Variants in UCKL1 observed in about 807,000 individuals in gnomAD.
UCKL1 encodes uridine-cytidine kinase 1 like 1.
Under a neutral mutation model 59.2 loss-of-function variants are expected in UCKL1, and 65 were observed. The ratio of observed to expected loss-of-function variants is 1.10; its 90% CI spans 0.90 to 1.35. The LOEUF (loss-of-function observed/expected upper bound fraction) is 1.35. Among genes scored for constraint, UCKL1 ranks in the 40% most tolerant of loss-of-function variants. The probability of loss-of-function intolerance (pLI) is 0.00; values close to 1 mark genes in which losing one functional copy is unlikely to be tolerated. For synonymous variants in UCKL1, 410 were observed against 323.1 expected (o/e 1.27, Z -2.88); for missense variants, 703 against 784.3 (o/e 0.90, Z 1.24).
chr20:63,939,951 G>A lies in UCKL1; in HGVS notation c.*25C>T, dbSNP rs758307708. On this transcript the variant is annotated 3_prime_UTR_variant, in exon 15 of 15. Coordinates refer to ENST00000354216, the MANE Select transcript of UCKL1 (RefSeq NM_017859.4). ...GGTCAGGAGGCAGGAGGAGGGTGGT[G>A]GGGACGGGATGGCTCACTGGGCAGC... is the stretch of plus-strand genomic sequence containing the variant. 3 of 1,606,660 alleles carry A rather than the reference G, an allele frequency of 1.9e-6. No individual in the cohort carries two copies. Among genetic ancestry groups the A allele is most frequent in the East Asian group, 4.5e-5 (2 of 44,824 alleles).
Position 63,945,695 on chromosome 20 carries a change from T to A in UCKL1, c.610A>T (p.Ile204Phe), listed in dbSNP as rs2055985714. Residue 204 changes from isoleucine (I) to phenylalanine (F), a missense_variant, in exon 5 of 15, where the codon ATC becomes TTC. Ile to Phe is a conservative substitution (Grantham distance 21). Around this residue, in one of 4 missense-constraint regions of UCKL1, gnomAD observed 398 missense variants for 373.0 expected, o/e 1.07. Coordinates refer to ENST00000354216, the MANE Select transcript of UCKL1 (RefSeq NM_017859.4). The part of the protein sequence containing the change: ...WKTLYGANVI[I>F]FEGIMAFADK... ...GCAAAGGCCATGATGCCCTCAAAGA[T>A]GATGACGTTTGCACCATACAGTGTT... is the stretch of plus-strand genomic sequence containing the variant. 1.2e-6 allele frequency: 2 copies of A among 1,613,020 alleles called. No individual in the cohort carries two copies. Among genetic ancestry groups the A allele is most frequent in the Admixed American group, 3.3e-5 (2 of 60,004 alleles).
chr20:63,956,259 C>T lies in UCKL1; in HGVS notation c.113+1G>A, dbSNP rs1438554660. 2 of 1,536,260 alleles carry T rather than the reference C, an allele frequency of 1.3e-6. No homozygotes were observed. Among genetic ancestry groups the T allele is most frequent in the Admixed American group, 4.1e-5 (2 of 49,096 alleles). On this transcript the variant is annotated splice_donor_variant, in intron 1 of 14. Coordinates refer to ENST00000354216, the MANE Select transcript of UCKL1 (RefSeq NM_017859.4). LOFTEE classifies it high-confidence loss of function. ...GGAGTGGAGGCGAGGCCCACGCCTA[C>T]CGGTCCTCGCACGCGGTCTCGCTTT...
chr20:63,946,118 G>A, intron 3 of UCKL1, 43 bp downstream of exon 3: 1 of 1,606,946 alleles, frequency 6.2e-7, no homozygotes, highest in Non-Finnish European at 8.5e-7. Context: ...CAGGGTCAGG[G>A]AGAGGACAAA....
intron 1 of UCKL1, among the ~76,000 whole-genome samples, chr20:63,949,814 C>A (rs921501451): frequency 6.6e-6 from 1 of 152,264 alleles, no homozygotes; most frequent in African/African-American, 2.4e-5. Flanking sequence ...ACCGCCCTTG[C>A]GGCTGCCTGC....
chr20:63,944,833 T>C, intron 5 of UCKL1, 99 bp from the exon 6 acceptor site: 1 of 1,439,154 alleles, frequency 6.9e-7, no homozygotes, highest in African/African-American at 1.4e-5. Flanking sequence ...TCCGTGGGCC[T>C]GGCCAGAGCC....
At chr20:63,945,615 A>G (rs2055961659) in intron 5 of UCKL1, 36 bp downstream of exon 5, 1 of 1,608,940 alleles carries the variant, frequency 6.2e-7, no homozygotes, top group South Asian at 1.1e-5. Context: ...CAGGGCTGAG[A>G]TACCAGCGGG....
intron 14 of UCKL1, 35 bp downstream of exon 14, chr20:63,940,115 C>T (rs1031539567): frequency 6.2e-7 from 1 of 1,612,274 alleles, no homozygotes; most frequent in South Asian, 1.1e-5. Context: ...CCCACCCTGC[C>T]CTCATGTGCG....
At chr20:63,942,387 G>A (rs2054818756) in intron 8 of UCKL1, 1 of 1,177,108 alleles carries the variant, frequency 8.5e-7, no homozygotes, top group Non-Finnish European at 1.1e-6. Context: ...GCAGGAGCAG[G>A]AAAGAGGGCC....
intron 4 of UCKL1, 35 bp from the exon 5 acceptor site, chr20:63,945,757 CAT>C: frequency 6.2e-7 from 1 of 1,612,786 alleles, no homozygotes; most frequent in South Asian, 1.1e-5. Flanking sequence ...GAGCCTGGCT[CAT>C]GTGCCTGCAG....
At chr20:63,952,624 C>T (rs1377379559) in intron 1 of UCKL1, among the ~76,000 whole-genome samples, 2 of 152,262 alleles carry the variant, frequency 1.3e-5, no homozygotes, top group African/African-American at 4.8e-5. Flanking sequence ...CCACGCCACC[C>T]ACAGGTGCTG....
chr20:63,951,012 G>A (rs1299222581), intron 1 of UCKL1: 2 of 1,274,560 alleles, frequency 1.6e-6, no homozygotes, highest in Non-Finnish European at 2.0e-6. Context: ...CCTGTGGGCA[G>A]CACAGTGGGT....
rs1442343415 is a variant in UCKL1, at chr20:63,944,600, G to A, written c.789C>T (p.Ser263=). Reference sequence around the variant, plus strand: ...TGGTGGGCTGGATGTACTGGTCGAAGGAGGGCTTGACAAACTTGTTGTACT... The same window carrying A: ...TGGTGGGCTGGATGTACTGGTCGAAAGAGGGCTTGACAAACTTGTTGTACT... ...IKQYNKFVKP[S]FDQYIQPTMR... The change falls in exon 6 of 15, where the codon TCC becomes TCT. Residue 263 remains serine (S), a synonymous_variant. Coordinates refer to ENST00000354216, the MANE Select transcript of UCKL1 (RefSeq NM_017859.4). 1 of 1,613,176 alleles carries A rather than the reference G, an allele frequency of 6.2e-7. No homozygotes were observed. The highest frequency in any genetic ancestry group is 1.1e-5 in the South Asian group (1 of 91,032).
chr20:63,941,498 C>A, intron 8 of UCKL1: 1 of 451,856 alleles, frequency 2.2e-6, no homozygotes, highest in East Asian at 4.5e-5. Context: ...ACCCCTCCTG[C>A]GCTAAGAGGA....
At chr20:63,946,741 A>C in intron 1 of UCKL1, 98 bp from the exon 2 acceptor site, 5 of 1,306,544 alleles carry the variant, frequency 3.8e-6, no homozygotes, top group South Asian at 1.4e-5. Context: ...CCACCCCCTC[A>C]ACAGGCATGG....
chr20:63,944,735 C>A lies in UCKL1; in HGVS notation c.655-1G>T. 1 of 1,612,352 alleles carries A rather than the reference C, an allele frequency of 6.2e-7. No individual in the cohort carries two copies. The highest frequency in any genetic ancestry group is 8.5e-7 in the Non-Finnish European group (1 of 1,179,886). ...CCACAAAGATCTTCATGTCCAGGAG[C>A]TGGTGGAGACAGCGGGCCAGTGAGT... On this transcript the variant is annotated splice_acceptor_variant, in intron 5 of 14. Coordinates refer to ENST00000354216, the MANE Select transcript of UCKL1 (RefSeq NM_017859.4). LOFTEE classifies it high-confidence loss of function.
chr20:63,945,508 G>C, intron 5 of UCKL1, 143 bp downstream of exon 5: 2 of 799,304 alleles, frequency 2.5e-6, no homozygotes, highest in South Asian at 1.9e-5. Context: ...GCATGCCTGG[G>C]GTTGGGGTTG....
intron 7 of UCKL1, 27 bp downstream of exon 7, chr20:63,944,370 G>T: frequency 6.5e-7 from 1 of 1,541,780 alleles, no homozygotes; most frequent in East Asian, 2.4e-5. Flanking sequence ...TGGGGGCTAG[G>T]CCGTGGGGAC....
intron 8 of UCKL1, chr20:63,941,592 T>A (rs1192004183): frequency 4.1e-6 from 1 of 241,478 alleles, no homozygotes; most frequent in Non-Finnish European, 9.1e-6. Flanking sequence ...CCCCAGCCTC[T>A]CCCCGGGGGA....
chr20:63,952,919 G>T (rs191190648), intron 1 of UCKL1, among the ~76,000 whole-genome samples: 2 of 152,228 alleles, frequency 1.3e-5, no homozygotes, highest in Non-Finnish European at 2.9e-5. Context: ...ATGCCTCATC[G>T]GTGATCAGGC....
Sources: allele counts gnomAD v4.1 joint callset (sites outside exome capture counted in the v4.1 genomes callset), GRCh38; gene constraint gnomAD v4.1.1; regional missense constraint gnomAD v4.1.1; transcripts MANE v1.5; gene names NCBI Gene and HGNC (gene_info 2026-07-23, HGNC 2026-07-21).